The following PRKG1 variants were observed in gnomAD, a reference collection of about 807,000 sequenced individuals.
PRKG1 encodes protein kinase cGMP-dependent 1.
PRKG1 carries 35 observed loss-of-function variants against 88.1 expected under a neutral mutation model. That is an observed-to-expected ratio of 0.40 (90% CI 0.30 to 0.53). PRKG1 has a LOEUF of 0.53. PRKG1 is among the 20% of genes least tolerant of loss of function. The pLI is 0.59. For synonymous variants in PRKG1, 303 were observed against 292.5 expected (o/e 1.04, Z -0.37); for missense variants, 540 against 839.8 (o/e 0.64, Z 4.41).
chr10:51,466,531 G>C (rs918562151), intron 2 of PRKG1, among the ~76,000 whole-genome samples: 1 of 151,864 alleles, frequency 6.6e-6, no homozygotes, highest in African/African-American at 2.4e-5. Context: ...TCTGAAGGGT[G>C]AATCACGTAC....
chr10:51,844,131 G>GTC (rs1414547088), intron 4 of PRKG1, among the ~76,000 whole-genome samples: 5 of 152,050 alleles, frequency 3.3e-5, no homozygotes, highest in African/African-American at 1.2e-4. Flanking sequence ...ATTTGACAGA[G>GTC]GGGAAGAAGA....
At chr10:52,036,559 G>A (rs1029704825) in intron 5 of PRKG1, among the ~76,000 whole-genome samples, 1 of 152,004 alleles carries the variant, frequency 6.6e-6, no homozygotes, top group East Asian at 1.9e-4. Context: ...AGATGGTAAC[G>A]GGTGCATGAT....
intron 7 of PRKG1, among the ~76,000 whole-genome samples, chr10:52,095,623 A>ATATTAAGT (rs1847155055): frequency 6.6e-6 from 1 of 152,170 alleles, no homozygotes; most frequent in African/African-American, 2.4e-5. Context: ...TGCTTTAACA[A>ATATTAAGT]TATTAAGTGA....
chr10:52,025,070 C>T (rs768712649), intron 5 of PRKG1, among the ~76,000 whole-genome samples: 8 of 152,216 alleles, frequency 5.3e-5, no homozygotes, highest in Non-Finnish European at 8.8e-5. Flanking sequence ...TTCCATTTCT[C>T]TGATGACCAG....
chr10:51,741,655 A>G (rs190938809), intron 3 of PRKG1, among the ~76,000 whole-genome samples: 33 of 152,314 alleles, frequency 2.2e-4, no homozygotes, highest in African/African-American at 7.7e-4. Flanking sequence ...AATGACAAAC[A>G]GTAAATGCTG....
intron 2 of PRKG1, among the ~76,000 whole-genome samples, chr10:51,157,361 G>C (rs867734488): frequency 2.0e-5 from 3 of 151,782 alleles, no homozygotes; most frequent in Non-Finnish European, 1.5e-5. Context: ...CTTAAAGCTC[G>C]TTTTATGTTT....
chr10:51,891,399 T>C (rs991014590), intron 4 of PRKG1, among the ~76,000 whole-genome samples: 14 of 152,236 alleles, frequency 9.2e-5, no homozygotes, highest in Non-Finnish European at 1.8e-4. Flanking sequence ...TATTTCCAAA[T>C]TGACATAGGG....
chr10:51,401,593 T>A (rs985342797), intron 2 of PRKG1, among the ~76,000 whole-genome samples: 4 of 152,184 alleles, frequency 2.6e-5, no homozygotes, highest in Non-Finnish European at 4.4e-5. Flanking sequence ...AACTGTTTTT[T>A]AAGTTTGTTT....
intron 6 of PRKG1, among the ~76,000 whole-genome samples, chr10:52,055,120 A>G (rs1846080015): frequency 6.6e-6 from 1 of 152,194 alleles, no homozygotes; most frequent in African/African-American, 2.4e-5. Context: ...TGGGTAACAG[A>G]GCAAGACTTT....
intron 5 of PRKG1, among the ~76,000 whole-genome samples, chr10:51,954,423 A>G (rs900673017): frequency 1.3e-5 from 2 of 152,218 alleles, no homozygotes; most frequent in Admixed American, 6.5e-5. Flanking sequence ...CTAAAATTAA[A>G]AAAAGAAATA....
intron 3 of PRKG1, among the ~76,000 whole-genome samples, chr10:51,728,255 A>G (rs1842182682): frequency 6.6e-6 from 1 of 152,062 alleles, no homozygotes; most frequent in Non-Finnish European, 1.5e-5. Flanking sequence ...TTCTGTTTGC[A>G]ACTGTACTAA....
chr10:51,772,830 T>G (rs2132548460), intron 3 of PRKG1, among the ~76,000 whole-genome samples: 1 of 152,196 alleles, frequency 6.6e-6, no homozygotes, highest in Admixed American at 6.5e-5. Flanking sequence ...ATAGGCAAAA[T>G]GGAGATTGAT....
intron 2 of PRKG1, among the ~76,000 whole-genome samples, chr10:51,156,514 T>C (rs1846220362): frequency 6.6e-6 from 1 of 151,998 alleles, no homozygotes. Context: ...CTAAATAATA[T>C]ATCAATATTC....
intron 5 of PRKG1, among the ~76,000 whole-genome samples, chr10:51,998,739 C>A (rs1003037488): frequency 3.9e-5 from 6 of 152,176 alleles, no homozygotes; most frequent in Admixed American, 6.5e-5. Context: ...CAATTATTTG[C>A]AATTTTTGAA....
At chr10:51,744,902 A>T (rs1359382136) in intron 3 of PRKG1, among the ~76,000 whole-genome samples, 2 of 152,186 alleles carry the variant, frequency 1.3e-5, no homozygotes, top group Non-Finnish European at 2.9e-5. Flanking sequence ...ATTGGAAATG[A>T]GCTCAAACCT....
intron 5 of PRKG1, among the ~76,000 whole-genome samples, chr10:51,977,341 G>C (rs1226409584): frequency 1.3e-5 from 2 of 151,922 alleles, no homozygotes; most frequent in Non-Finnish European, 2.9e-5. Context: ...TGGTGTATAC[G>C]TACCACCTTT....
At chr10:51,517,926 A>G (rs974241256) in intron 3 of PRKG1, among the ~76,000 whole-genome samples, 38 of 152,128 alleles carry the variant, frequency 2.5e-4, no homozygotes, top group African/African-American at 9.2e-4. Context: ...CTTTATTCTC[A>G]TGATGCAGCC....
intron 3 of PRKG1, among the ~76,000 whole-genome samples, chr10:51,561,136 G>A (rs969700520): frequency 6.6e-6 from 1 of 151,840 alleles, no homozygotes; most frequent in African/African-American, 2.4e-5. Flanking sequence ...AAAATTAGCT[G>A]GGTGTGGTAG....
chr10:52,261,202 T>C (rs1315448236), intron 10 of PRKG1, among the ~76,000 whole-genome samples: 1 of 151,968 alleles, frequency 6.6e-6, no homozygotes, highest in Non-Finnish European at 1.5e-5. Flanking sequence ...CTTAATAAGA[T>C]AGATATTTCC....
Sources: allele counts gnomAD v4.1 joint callset (sites outside exome capture counted in the v4.1 genomes callset), GRCh38; gene constraint gnomAD v4.1.1; transcripts MANE v1.5; gene names NCBI Gene and HGNC (gene_info 2026-07-23, HGNC 2026-07-21).